RYR2: variants seen among roughly 807,000 people sequenced by gnomAD.
RYR2 encodes the protein ryanodine receptor 2.
RYR2 carries 227 observed loss-of-function variants against 601.1 expected under a neutral mutation model. The observed-to-expected ratio is 0.38, with a 90% CI of 0.34 to 0.42. The LOEUF (loss-of-function observed/expected upper bound fraction) is 0.42. Among genes scored for constraint, RYR2 ranks in the 10% least tolerant of loss-of-function variants. The pLI is 1.00. For synonymous variants in RYR2, 2,223 were observed against 2,175.1 expected, an observed-to-expected ratio of 1.02 and a Z score of -0.61; for missense variants, 4,646 against 6,156.5, an observed-to-expected ratio of 0.75 and a Z score of 8.21.
At chr1:237,480,028 A>C (rs1008788566) in intron 17 of RYR2, among the ~76,000 whole-genome samples, 2 of 152,152 alleles carry the variant, frequency 1.3e-5, no homozygotes, top group African/African-American at 4.8e-5. Flanking sequence ...CCCTGGACCT[A>C]ACACAGTGAA....
rs66869261 is a variant in RYR2, at chr1:237,115,236, A to ACC, written c.48+72675_48+72676dup. ...GAGGCCACGCCTTCGTGGAAACCACACCCCCCCCCTTGCTCTGGGCCAGTT... is the reference window on the plus strand; with the variant it reads ...GAGGCCACGCCTTCGTGGAAACCACACCCCCCCCCCCTTGCTCTGGGCCAGTT... On this transcript the variant is annotated intron_variant, in intron 1 of 104. Coordinates refer to ENST00000366574, the MANE Select transcript of RYR2 (RefSeq NM_001035.3). 1.2e-3 allele frequency among the ~76,000 whole-genome samples: 177 copies of ACC among 149,912 alleles called. 1 individual carries two copies. The highest frequency in any genetic ancestry group is 3.5e-3 in the Middle Eastern group (1 of 288).
chr1:237,358,347 G>A (rs1013626241), intron 4 of RYR2, among the ~76,000 whole-genome samples: 5 of 152,026 alleles, frequency 3.3e-5, no homozygotes, highest in Non-Finnish European at 7.4e-5. Flanking sequence ...TGCTTGCCCC[G>A]CCGGGTTCCT....
intron 1 of RYR2, 165 bp from the exon 2 acceptor site, chr1:237,270,332 G>A: frequency 2.1e-6 from 2 of 963,264 alleles, no homozygotes; most frequent in Non-Finnish European, 3.2e-6. Context: ...GTACGTGAGG[G>A]ATTGATTCCG....
At chr1:237,669,452 G>A (rs971291126) in intron 58 of RYR2, among the ~76,000 whole-genome samples, 1 of 151,702 alleles carries the variant, frequency 6.6e-6, no homozygotes, top group Non-Finnish European at 1.5e-5. Flanking sequence ...AGTAGGGGCG[G>A]CCGGGCAGAG....
intron 35 of RYR2, among the ~76,000 whole-genome samples, chr1:237,608,112 A>G (rs1367188652): frequency 3.3e-5 from 5 of 152,200 alleles, no homozygotes; most frequent in Admixed American, 2.6e-4. Flanking sequence ...TTTGAGTGTG[A>G]ATGGAATATT....
intron 39 of RYR2, among the ~76,000 whole-genome samples, chr1:237,625,347 G>A (rs1679535472): frequency 6.6e-6 from 1 of 152,108 alleles, no homozygotes; most frequent in Non-Finnish European, 1.5e-5. Flanking sequence ...AGTCCGAGAT[G>A]CCCAAGGGTT....
intron 6 of RYR2, among the ~76,000 whole-genome samples, chr1:237,373,720 A>T (rs1484947430): frequency 6.6e-6 from 1 of 152,214 alleles, no homozygotes; most frequent in Non-Finnish European, 1.5e-5. Context: ...TAAGGAGATG[A>T]TGGTGTTGCA....
chr1:237,105,291 AC>A (rs1668539709), intron 1 of RYR2, among the ~76,000 whole-genome samples: 1 of 152,216 alleles, frequency 6.6e-6, no homozygotes, highest in Non-Finnish European at 1.5e-5. Context: ...CTGTTGAAAA[AC>A]AATCATATTA....
intron 1 of RYR2, among the ~76,000 whole-genome samples, chr1:237,153,045 G>A (rs1042833707): frequency 1.3e-5 from 2 of 152,218 alleles, no homozygotes; most frequent in African/African-American, 4.8e-5. Context: ...AACAGTCACT[G>A]TGCTGGTTGC....
At chr1:237,538,188 G>A (rs187487938) in intron 25 of RYR2, among the ~76,000 whole-genome samples, 1 of 150,876 alleles carries the variant, frequency 6.6e-6, no homozygotes, top group Non-Finnish European at 1.5e-5. Flanking sequence ...TCAGGAGTTC[G>A]AGACCAGCCT....
intron 1 of RYR2, among the ~76,000 whole-genome samples, chr1:237,111,875 A>G (rs956107340): frequency 2.0e-5 from 3 of 152,132 alleles, no homozygotes; most frequent in African/African-American, 7.2e-5. Flanking sequence ...TCTCTGAGCT[A>G]GAGAACTGGC....
intron 2 of RYR2, among the ~76,000 whole-genome samples, chr1:237,272,626 G>A (rs1184347456): frequency 6.7e-6 from 1 of 148,672 alleles, no homozygotes; most frequent in African/African-American, 2.4e-5. Context: ...ATTTATATGT[G>A]TATATATTGT....
chr1:237,820,593 G>T (rs1012346953), intron 101 of RYR2, among the ~76,000 whole-genome samples: 1 of 152,186 alleles, frequency 6.6e-6, no homozygotes, highest in African/African-American at 2.4e-5. Context: ...ACAAAACTGG[G>T]TGGCTGTTTG....
At chr1:237,445,905 C>T (rs1708294437) in intron 14 of RYR2, among the ~76,000 whole-genome samples, 1 of 152,128 alleles carries the variant, frequency 6.6e-6, no homozygotes, top group African/African-American at 2.4e-5. Flanking sequence ...CATCCTCTGC[C>T]TCCTGGGTTC....
chr1:237,820,786 G>A (rs539852398), intron 101 of RYR2, among the ~76,000 whole-genome samples: 16 of 152,278 alleles, frequency 1.1e-4, no homozygotes, highest in South Asian at 8.3e-4. Flanking sequence ...TGAAATTCTC[G>A]CTGCCAGCAC....
intron 14 of RYR2, among the ~76,000 whole-genome samples, chr1:237,450,952 T>A (rs1274515993): frequency 6.6e-6 from 1 of 152,204 alleles, no homozygotes; most frequent in Non-Finnish European, 1.5e-5. Context: ...ATTTATCCTT[T>A]AGTTGTATTA....
At chr1:237,638,187 T>C (rs1365573650) in intron 44 of RYR2, among the ~76,000 whole-genome samples, 170 bp from the exon 45 acceptor site, 1 of 152,166 alleles carries the variant, frequency 6.6e-6, no homozygotes, top group Non-Finnish European at 1.5e-5. Context: ...TTCTAAAGTC[T>C]AAGGTTTTAC....
chr1:237,191,527 GA>G (rs986276232), intron 1 of RYR2, among the ~76,000 whole-genome samples: 1 of 151,944 alleles, frequency 6.6e-6, no homozygotes, highest in African/African-American at 2.4e-5. Context: ...TTACCAGGCT[GA>G]GCAAGAAATG....
At chr1:237,245,968 A>G (rs971703800) in intron 1 of RYR2, among the ~76,000 whole-genome samples, 1 of 151,466 alleles carries the variant, frequency 6.6e-6, no homozygotes, top group East Asian at 1.9e-4. Flanking sequence ...TTTTAGTAGA[A>G]ATGGGGTTTC....
Sources: allele counts gnomAD v4.1 joint callset (sites outside exome capture counted in the v4.1 genomes callset), GRCh38; gene constraint gnomAD v4.1.1; transcripts MANE v1.5; gene names NCBI Gene and HGNC (gene_info 2026-07-23, HGNC 2026-07-21).